MYO3A: variants seen among roughly 807,000 people sequenced by gnomAD.
MYO3A encodes the protein myosin-IIIa.
In MYO3A, 180 loss-of-function variants were observed where a neutral mutation model predicts 192.7. The observed-to-expected ratio is 0.93, with a 90% CI of 0.83 to 1.06. MYO3A has a LOEUF of 1.06. Among genes scored for constraint, MYO3A ranks in the 50% least tolerant of loss-of-function variants. The probability of loss-of-function intolerance (pLI) is 0.00; values close to 1 mark genes in which losing one functional copy is unlikely to be tolerated. For synonymous variants in MYO3A, 628 were observed against 645.3 expected (o/e 0.97, Z 0.41); for missense variants, 1,896 against 1,905.0 (o/e 1.00, Z 0.09).
At chr10:26,050,103 A>C (rs1843901681) in intron 10 of MYO3A, among the ~76,000 whole-genome samples, 1 of 152,068 alleles carries the variant, frequency 6.6e-6, no homozygotes, top group Non-Finnish European at 1.5e-5. Flanking sequence ...TCCATAATGA[A>C]CATGCATTAC....
intron 9 of MYO3A, among the ~76,000 whole-genome samples, chr10:26,025,536 C>A (rs1038866516): frequency 2.0e-5 from 3 of 152,176 alleles, no homozygotes; most frequent in Non-Finnish European, 4.4e-5. Context: ...GCAGCTTATT[C>A]TACTTTGATA....
rs771538242 is a variant in MYO3A, at chr10:26,173,651, T to C, written c.3399-12T>C. On this transcript the variant is annotated splice_polypyrimidine_tract_variant and intron_variant, in intron 29 of 34. Coordinates refer to ENST00000642920, the MANE Select transcript of MYO3A (RefSeq NM_017433.5). ...TAGTACTGTATATTCAAAGATAATA[T>C]ATTTTACACAGGGAATCTTTCGTGA... The C allele has an allele frequency of 3.7e-6, 6 of 1,609,540 alleles. No homozygotes were observed. In the East Asian group the frequency reaches 1.3e-4, roughly 36 times the overall value.
chr10:25,937,217 G>C (rs1051153974), intron 2 of MYO3A, among the ~76,000 whole-genome samples: 1 of 152,212 alleles, frequency 6.6e-6, no homozygotes, highest in Non-Finnish European at 1.5e-5. Context: ...GCCAGGATGA[G>C]TTGCCCACTT....
At position 26,096,651 on chromosome 10, in the gene MYO3A, A is replaced by G; in HGVS notation, c.1745A>G (p.Gln582Arg). Residue 582 changes from glutamine (Q) to arginine (R), a missense_variant, in exon 17 of 35, where the codon CAA (glutamine) becomes CGA (arginine). Physicochemically the swap from Gln to Arg is conservative, Grantham distance 43. Transcript: ENST00000642920. ...FYKSQYELIE[Q>R]CFKVIGFTME... ...AAATCCCAGTATGAATTAATTGAGC[A>G]ATGTTTCAAAGTCATAGGTTTTACA... 7 of 1,593,878 alleles carry G rather than the reference A, an allele frequency of 4.4e-6. No individual in the cohort carries two copies. Among genetic ancestry groups the G allele is most frequent in the Non-Finnish European group, 6.0e-6 (7 of 1,161,496 alleles).
chr10:26,039,735 T>C (rs117134187), intron 10 of MYO3A, among the ~76,000 whole-genome samples: 9,257 of 152,224 alleles, frequency 0.061, 366 homozygotes, highest in Non-Finnish European at 0.088. Flanking sequence ...TGTATCCTTT[T>C]TCAATTCTGA....
Position 26,120,753 on chromosome 10 carries a change from A to C in MYO3A, c.1854A>C (p.Glu618Asp). The change falls in exon 18 of 35, where the codon GAA (glutamate) becomes GAC (aspartate). Residue 618 changes from glutamate to aspartate, a missense_variant. Physicochemically the swap from Glu to Asp is conservative, Grantham distance 45. Transcript: ENST00000642920. The stretch of plus-strand genomic sequence containing the variant: ...TTGAATTTTCTTCTGTGGCAACTGA[A>C]CACCAGATTGACAAGAGCCACATTT... ...GNIEFSSVAT[E>D]HQIDKSHISN... is the part of the protein sequence containing the mutation. 1 of 1,614,106 alleles carries C rather than the reference A, an allele frequency of 6.2e-7. No homozygotes were observed.
rs148591592 is a variant in MYO3A at position 26,097,323 on chromosome 10, G to T, written c.1776+641G>T. On this transcript the variant is annotated intron_variant, in intron 17 of 34. Coordinates refer to ENST00000642920, the MANE Select transcript of MYO3A (RefSeq NM_017433.5). ...TTCTCTCACTTAGCATGTTTGCAAG[G>T]TTCATCCATTTTTGCAGCATGTATC... Among the ~76,000 whole-genome samples, 234 of 151,712 alleles carry T rather than the reference G, an allele frequency of 1.5e-3. 2 individuals are homozygous for T. Among genetic ancestry groups the T allele is most frequent in the African/African-American group, 5.4e-3 (222 of 41,356 alleles).
At chr10:26,026,324 G>T (rs751983935) in intron 9 of MYO3A, 53 bp from the exon 10 acceptor site, 11 of 1,595,064 alleles carry the variant, frequency 6.9e-6, no homozygotes, top group Non-Finnish European at 9.4e-6. Context: ...ATGAATAATA[G>T]TTTCAAAACT....
intron 14 of MYO3A, among the ~76,000 whole-genome samples, chr10:26,084,934 A>G (rs191137291): frequency 2.0e-5 from 3 of 152,062 alleles, no homozygotes; most frequent in Admixed American, 6.5e-5. Context: ...TACTTCTTCA[A>G]TTTCTTTATT....
At chr10:25,937,016 A>G (rs1836125072) in intron 2 of MYO3A, among the ~76,000 whole-genome samples, 1 of 152,102 alleles carries the variant, frequency 6.6e-6, no homozygotes, top group Non-Finnish European at 1.5e-5. Flanking sequence ...TAGAAGTCGT[A>G]TGCGATAGTT....
rs1036773401 is a variant in MYO3A at position 26,193,313 on chromosome 10, T to G, written c.4545+2T>G. The G allele has an allele frequency of 1.9e-5, 31 of 1,604,852 alleles. No homozygotes were observed. The highest frequency in any genetic ancestry group is 2.1e-5 in the Non-Finnish European group (25 of 1,172,058). On this transcript the variant is annotated splice_donor_variant, in intron 32 of 34. Coordinates refer to ENST00000642920, the MANE Select transcript of MYO3A (RefSeq NM_017433.5). LOFTEE classifies it high-confidence loss of function. ...TCCACATACTATTATCTACTTCATG[T>G]AAGTGGCTCACTCTTACTATCAGAT...
chr10:26,018,441 A>G (rs1842098518), intron 7 of MYO3A, among the ~76,000 whole-genome samples: 1 of 152,212 alleles, frequency 6.6e-6, no homozygotes, highest in Non-Finnish European at 1.5e-5. Flanking sequence ...TTAGAAAGCA[A>G]TAAGGTGAAC....
At chr10:26,055,406 C>G (rs1351592421) in intron 10 of MYO3A, among the ~76,000 whole-genome samples, 3 of 149,572 alleles carry the variant, frequency 2.0e-5, no homozygotes, top group Non-Finnish European at 1.5e-5. Context: ...AACCACTCCC[C>G]ACAGGTAGGA....
chr10:26,077,233 G>GTTTTTTTTTGTTTTTTTTTTTTTT (rs1835634548), intron 14 of MYO3A, among the ~76,000 whole-genome samples: 1 of 36,284 alleles, frequency 2.8e-5, no homozygotes, highest in Non-Finnish European at 5.3e-5. Context: ...TATTCCTAAG[G>GTTTTTTTTTGTTTTTTTTTTTTTT]TTTTTTTTTT....
chr10:25,992,419 A>G (rs911882096), intron 4 of MYO3A, among the ~76,000 whole-genome samples: 4 of 152,226 alleles, frequency 2.6e-5, no homozygotes, highest in Non-Finnish European at 5.9e-5. Context: ...GGCTGAGACA[A>G]TGGGGTTTTC....
chr10:25,959,884 A>G (rs1837816397), intron 4 of MYO3A, among the ~76,000 whole-genome samples: 1 of 151,744 alleles, frequency 6.6e-6, no homozygotes, highest in Non-Finnish European at 1.5e-5. Context: ...CATATGTGAT[A>G]AGAGGGTTTC....
intron 8 of MYO3A, 62 bp from the exon 9 acceptor site, chr10:26,023,960 G>C: frequency 6.9e-7 from 1 of 1,444,160 alleles, no homozygotes; most frequent in Non-Finnish European, 9.7e-7. Context: ...ATCTGGCTCT[G>C]CCTCTCATTT....
intron 14 of MYO3A, among the ~76,000 whole-genome samples, chr10:26,078,431 A>G (rs756583168): frequency 4.6e-5 from 7 of 151,146 alleles, no homozygotes; most frequent in Non-Finnish European, 1.0e-4. Flanking sequence ...TATCAATTTT[A>G]TTTATCTTTT....
At position 25,996,514 on chromosome 10, in the gene MYO3A, G is replaced by A. The variant is rs1332013507; in HGVS notation, c.328G>A (p.Asp110Asn). Residue 110 changes from aspartate (D) to asparagine (N), a missense_variant, in exon 5 of 35, where the codon GAC becomes AAC. Transcript: ENST00000642920. ...LELCSGGSVTDLVKGFLKRGE... is the reference protein window; with the variant it reads ...LELCSGGSVTNLVKGFLKRGE... Reference sequence around the variant, plus strand: ...GCTCTGCAGTGGAGGATCAGTGACTGACCTTGTGAAAGGATTTCTGAAGAG... The same window carrying A: ...GCTCTGCAGTGGAGGATCAGTGACTAACCTTGTGAAAGGATTTCTGAAGAG... 2 of 1,613,710 alleles carry A rather than the reference G, an allele frequency of 1.2e-6. No homozygotes were observed. The highest frequency in any genetic ancestry group is 2.7e-5 in the African/African-American group (2 of 74,920).
Sources: allele counts gnomAD v4.1 joint callset (sites outside exome capture counted in the v4.1 genomes callset), GRCh38; gene constraint gnomAD v4.1.1; transcripts MANE v1.5; gene names NCBI Gene and HGNC (gene_info 2026-07-23, HGNC 2026-07-21).